The following CRISP3 variants were observed in gnomAD, a reference collection of about 807,000 sequenced individuals.
The protein encoded by CRISP3 is cysteine-rich secretory protein 3.
CRISP3 carries 33 observed loss-of-function variants against 36.1 expected under a neutral mutation model. That is an observed-to-expected ratio of 0.91 (90% confidence interval 0.69 to 1.22). The LOEUF (loss-of-function observed/expected upper bound fraction) is 1.22, where lower values mean the gene tolerates loss of function less well. CRISP3 is among the 50% of genes most tolerant of loss of function. CRISP3 has a pLI of 0.00. For missense variants in CRISP3, 330 were observed against 301.2 expected, an observed-to-expected ratio of 1.10 and a Z score of -0.71; for synonymous variants, 117 against 104.6, an observed-to-expected ratio of 1.12 and a Z score of -0.72.
At chr6:49,736,253 A>G in intron 3 of CRISP3, 138 bp downstream of exon 3, 3 of 658,010 alleles carry the variant, frequency 4.6e-6, no homozygotes, top group African/African-American at 1.8e-5. Context: ...AGCTCTGCCC[A>G]TTACACAGCT....
chr6:49,735,656 A>G, intron 3 of CRISP3, 65 bp from the exon 4 acceptor site: 1 of 1,239,754 alleles, frequency 8.1e-7, no homozygotes. Context: ...CATAAGCTTT[A>G]TAATCAGGTT....
chr6:49,738,697 C>T (rs182629904), intron 1 of CRISP3, among the ~76,000 whole-genome samples: 158 of 152,240 alleles, frequency 1.0e-3, no homozygotes, highest in African/African-American at 3.7e-3. Flanking sequence ...AGCTTTCCTT[C>T]TCCTAACCAG....
chr6:49,742,525 G>C (rs1039152047), intron 1 of CRISP3, among the ~76,000 whole-genome samples: 1 of 151,548 alleles, frequency 6.6e-6, no homozygotes, highest in African/African-American at 2.4e-5. Flanking sequence ...CCAGCTACTG[G>C]GGAGGCTGAG....
rs145862348 is a variant in CRISP3, at chr6:49,728,407, T to G, written c.*323A>C. ...CTAGGAACATAATTTTCACTTTCAA[T>G]CCAGGGTTTTAGTGAACTTAGTCAT... On this transcript the variant is annotated 3_prime_UTR_variant, in exon 8 of 8. Coordinates refer to ENST00000263045, the MANE Select transcript of CRISP3 (RefSeq NM_006061.4). The G allele has an allele frequency of 2.5e-3, 445 of 176,032 alleles. 4 individuals are homozygous for G. The highest frequency in any genetic ancestry group is 1.0e-2 in the African/African-American group (425 of 42,512). The allele number at this position is 176,032 out of a possible 1,614,324, so 10.9% of individuals were successfully genotyped here.
chr6:49,740,046 A>T (rs1030808514), intron 1 of CRISP3, among the ~76,000 whole-genome samples: 7 of 152,180 alleles, frequency 4.6e-5, no homozygotes, highest in African/African-American at 1.4e-4. Context: ...ATGATTTCAA[A>T]TAGTGATGGT....
chr6:49,735,664 GT>G, intron 3 of CRISP3, 73 bp from the exon 4 acceptor site: 1 of 1,097,554 alleles, frequency 9.1e-7, no homozygotes, highest in South Asian at 1.4e-5. Flanking sequence ...TTATAATCAG[GT>G]TATAGGTTGA....
At chr6:49,733,584 A>G (rs773317628) in intron 5 of CRISP3, 119 bp downstream of exon 5, 64 of 995,436 alleles carry the variant, frequency 6.4e-5, no homozygotes, top group Non-Finnish European at 8.6e-5. Flanking sequence ...CAAATGCCAG[A>G]CTATTCTATA....
chr6:49,733,669 A>G, intron 5 of CRISP3, 34 bp downstream of exon 5: 4 of 1,583,096 alleles, frequency 2.5e-6, no homozygotes, highest in Non-Finnish European at 3.4e-6. Flanking sequence ...TAGGGCACTT[A>G]TAAAGGAGAT....
Position 49,737,325 on chromosome 6 carries a change from C to T in CRISP3, c.111G>A (p.Lys37=), listed in dbSNP as rs1162138583. The T allele has an allele frequency of 3.1e-6, 5 of 1,613,392 alleles. No individual in the cohort carries two copies. Among genetic ancestry groups the T allele is most frequent in the Admixed American group, 3.3e-5 (2 of 59,958 alleles). Residue 37 remains lysine (K), a splice_region_variant and synonymous_variant, in exon 2 of 8, where the codon AAG becomes AAA. Coordinates refer to ENST00000263045, the MANE Select transcript of CRISP3 (RefSeq NM_006061.4). ...LLPSFPANED[K]DPAFTALLTT... ...TGAAGATTTTTGACTTCAACCATACCTTATCTTCATTTGCTGGAAAAGATG... is the reference window on the plus strand; with the variant it reads ...TGAAGATTTTTGACTTCAACCATACTTTATCTTCATTTGCTGGAAAAGATG...
intron 1 of CRISP3, among the ~76,000 whole-genome samples, chr6:49,739,756 T>C (rs1188943648): frequency 6.7e-6 from 1 of 148,674 alleles, no homozygotes; most frequent in Non-Finnish European, 1.5e-5. Context: ...TAGAAGGTAC[T>C]AGAAAGAATG....
At chr6:49,744,017 A>T (rs1769271152) in intron 1 of CRISP3, among the ~76,000 whole-genome samples, 1 of 152,166 alleles carries the variant, frequency 6.6e-6, no homozygotes, top group Non-Finnish European at 1.5e-5. Flanking sequence ...TATTAAAAAT[A>T]GTTCTAGTAC....
chr6:49,731,309 C>T lies in CRISP3; in HGVS notation c.561-58G>A, dbSNP rs1407734765. The T allele has an allele frequency of 6.4e-6, 7 of 1,099,920 alleles. No individual in the cohort carries two copies. The East Asian group carries it at 9.9e-5, about 16-fold the overall frequency. The allele number at this position is 1,099,920 out of a possible 1,614,324, so 68.1% of individuals were successfully genotyped here. ...TCATTTTTATGTTTCGTTTATGTTC[C>T]AAGGTTAGTATCAGTCACCAAATAT... On this transcript the variant is annotated intron_variant, in intron 6 of 7. Transcript: ENST00000263045.
rs144109181 is a variant in CRISP3, at chr6:49,736,863, A to G, written c.112-356T>C. On this transcript the variant is annotated intron_variant, in intron 2 of 7. Coordinates refer to ENST00000263045, the MANE Select transcript of CRISP3 (RefSeq NM_006061.4). ...ATTAAGACATTCACACTCAGGCTGC[A>G]GCAAAGAAGTTGTAAAGATTGAGGC... is the stretch of plus-strand genomic sequence containing the variant. Among the ~76,000 whole-genome samples the G allele has an allele frequency of 2.1e-3, 327 of 152,284 alleles. 3 individuals carry two copies. Among genetic ancestry groups the G allele is most frequent in the African/African-American group, 7.5e-3 (313 of 41,566 alleles).
chr6:49,728,710 A>T lies in CRISP3; in HGVS notation c.*20T>A. 1 of 1,604,954 alleles carries T rather than the reference A, an allele frequency of 6.2e-7. No individual in the cohort carries two copies. Among genetic ancestry groups the T allele is most frequent in the Non-Finnish European group, 8.5e-7 (1 of 1,175,666 alleles). The stretch of plus-strand genomic sequence containing the variant: ...ATCTGACTCCTCTCTACATAGCCCT[A>T]CTCGGTGTGTAATGCGTATTTAATA... On this transcript the variant is annotated 3_prime_UTR_variant, in exon 8 of 8. Coordinates refer to ENST00000263045, the MANE Select transcript of CRISP3 (RefSeq NM_006061.4).
chr6:49,734,986 G>GA (rs1322848500), intron 4 of CRISP3, among the ~76,000 whole-genome samples: 1 of 151,834 alleles, frequency 6.6e-6, no homozygotes, highest in Non-Finnish European at 1.5e-5. Context: ...AAATTCAAAA[G>GA]AAAATAATAA....
intron 3 of CRISP3, 144 bp from the exon 4 acceptor site, chr6:49,735,735 A>T: frequency 1.8e-6 from 1 of 552,576 alleles, no homozygotes; most frequent in East Asian, 3.1e-5. Flanking sequence ...AATCAAATGT[A>T]TATATTTTTT....
rs145008986 is a variant in CRISP3, at chr6:49,728,988, G to A, written c.650-131C>T. The A allele has an allele frequency of 1.8e-3, 1,258 of 717,322 alleles. 18 individuals carry two copies. The African/African-American group carries it at 0.021, about 12-fold the overall frequency. The allele number at this position is 717,322 out of a possible 1,614,324, so 44.4% of individuals were successfully genotyped here. ...AAGTTGAGATTATTACACTAAGATG[G>A]CCATTTTATATCTTGAGGGACACAT... On this transcript the variant is annotated intron_variant, in intron 7 of 7. Coordinates refer to ENST00000263045, the MANE Select transcript of CRISP3 (RefSeq NM_006061.4).
chr6:49,729,225 C>A (rs1189148190), intron 7 of CRISP3, among the ~76,000 whole-genome samples: 1 of 151,964 alleles, frequency 6.6e-6, no homozygotes, highest in African/African-American at 2.4e-5. Flanking sequence ...AAAATAAAAT[C>A]AAATAAAATT....
rs765353360 is a variant in CRISP3, at chr6:49,727,593, C to A, written c.*1137G>T. ...TCAGACTTCATCAGTTTTTTCATTA[C>A]TGATCTTTTTCTGTTCCAGGATCTG... On this transcript the variant is annotated 3_prime_UTR_variant, in exon 8 of 8. Transcript: ENST00000263045. 1.3e-5 allele frequency: 2 copies of A among 152,096 alleles called. No individual in the cohort carries two copies. Among genetic ancestry groups the A allele is most frequent in the African/African-American group, 4.8e-5 (2 of 41,438 alleles). The allele number at this position is 152,096 out of a possible 1,614,324, so 9.4% of individuals were successfully genotyped here. A position where few individuals can be genotyped will look rare whatever the true frequency, so the allele number is the denominator to read the frequency against.
Sources: allele counts gnomAD v4.1 joint callset (sites outside exome capture counted in the v4.1 genomes callset), GRCh38; gene constraint gnomAD v4.1.1; transcripts MANE v1.5; gene names NCBI Gene and HGNC (gene_info 2026-07-23, HGNC 2026-07-21).